Variants in SGMS1 observed in about 807,000 individuals in gnomAD.
SGMS1 encodes the protein phosphatidylcholine:ceramide cholinephosphotransferase 1.
SGMS1 carries 13 observed loss-of-function variants against 46.2 expected under a neutral mutation model. The observed-to-expected ratio is 0.28, with a 90% CI of 0.18 to 0.45. The LOEUF is 0.45. Ranked by LOEUF, SGMS1 falls within the 20% of genes least tolerant of loss-of-function variation. The pLI, the probability that SGMS1 is intolerant of heterozygous loss-of-function variation, is 1.00. For synonymous variants in SGMS1, 203 were observed against 187.8 expected (o/e 1.08, Z -0.66); for missense variants, 324 against 519.9 (o/e 0.62, Z 3.66).
At chr10:50,587,127 T>A (rs1009160605) in intron 2 of SGMS1, among the ~76,000 whole-genome samples, 5 of 151,970 alleles carry the variant, frequency 3.3e-5, no homozygotes, top group Non-Finnish European at 5.9e-5. Flanking sequence ...GTCAAGAGAG[T>A]AGTCATCCAT....
intron 6 of SGMS1, among the ~76,000 whole-genome samples, chr10:50,407,883 A>T (rs1564904734): frequency 6.6e-6 from 1 of 151,884 alleles, no homozygotes; most frequent in African/African-American, 2.4e-5. Context: ...CTTAATATCT[A>T]TTTTTTTTAA....
intron 5 of SGMS1, among the ~76,000 whole-genome samples, chr10:50,434,010 T>C (rs1050551408): frequency 2.0e-5 from 3 of 152,182 alleles, no homozygotes; most frequent in Non-Finnish European, 4.4e-5. Flanking sequence ...CTCCCTCCAG[T>C]CACACACGCT....
chr10:50,436,589 C>A (rs933316659), intron 5 of SGMS1, among the ~76,000 whole-genome samples: 3 of 152,188 alleles, frequency 2.0e-5, no homozygotes, highest in Non-Finnish European at 4.4e-5. Flanking sequence ...ACAAGCCCAG[C>A]ACTTCCTAAT....
At chr10:50,330,524 T>C (rs767920854) in intron 7 of SGMS1, among the ~76,000 whole-genome samples, 2 of 152,106 alleles carry the variant, frequency 1.3e-5, no homozygotes, top group Non-Finnish European at 2.9e-5. Context: ...AAAAAATTAC[T>C]ATAGTGGAAA....
intron 2 of SGMS1, among the ~76,000 whole-genome samples, chr10:50,582,502 G>C (rs749747116): frequency 6.6e-6 from 1 of 152,146 alleles, no homozygotes; most frequent in African/African-American, 2.4e-5. Context: ...CCACACTGAA[G>C]GGTTCAAGTC....
At chr10:50,553,249 C>T (rs957484308) in intron 2 of SGMS1, among the ~76,000 whole-genome samples, 12 of 152,134 alleles carry the variant, frequency 7.9e-5, no homozygotes, top group Non-Finnish European at 1.3e-4. Flanking sequence ...CACTCTGGAC[C>T]TGGATTTAAC....
At chr10:50,528,710 G>A (rs1184172382) in intron 2 of SGMS1, among the ~76,000 whole-genome samples, 1 of 152,152 alleles carries the variant, frequency 6.6e-6, no homozygotes, top group Non-Finnish European at 1.5e-5. Context: ...AACAGCCTGG[G>A]CAAAATAGGG....
rs567043341 is a variant in SGMS1 at position 50,379,464 on chromosome 10, G to A, written c.-231-35119C>T. Among the ~76,000 whole-genome samples the A allele has an allele frequency of 1.1e-4, 16 of 151,924 alleles. No homozygotes were observed. The South Asian group carries it at 1.2e-3, about 12-fold the overall frequency. On this transcript the variant is annotated intron_variant, in intron 6 of 10. Coordinates refer to ENST00000361781, the MANE Select transcript of SGMS1 (RefSeq NM_147156.4). The stretch of plus-strand genomic sequence containing the variant: ...TATATATATATATATATATGTGCAC[G>A]TGTATGTAAGCATAAAACATCTAGA...
intron 2 of SGMS1, among the ~76,000 whole-genome samples, chr10:50,579,586 C>A (rs1357356141): frequency 6.6e-6 from 1 of 152,152 alleles, no homozygotes; most frequent in African/African-American, 2.4e-5. Flanking sequence ...AGATAATGAG[C>A]AATGCCTTCA....
At chr10:50,515,947 T>C (rs1837802189) in intron 3 of SGMS1, among the ~76,000 whole-genome samples, 1 of 152,226 alleles carries the variant, frequency 6.6e-6, no homozygotes, top group Admixed American at 6.5e-5. Flanking sequence ...CGGCATTTCC[T>C]AGAAATGTTT....
rs183057119 is a variant in SGMS1, at chr10:50,392,850, T to C, written c.-232+40626A>G. ...AAAGTTGATTGTTAATGCTGGGAGA[T>C]ACGGATATGGAGTTCATTCTACTAT... On this transcript the variant is annotated intron_variant, in intron 6 of 10. Transcript: ENST00000361781. Among the ~76,000 whole-genome samples the C allele has an allele frequency of 1.2e-3, 180 of 152,298 alleles. 2 individuals carry two copies. The Middle Eastern group carries it at 0.017, about 14-fold the overall frequency.
chr10:50,373,584 T>C (rs1390663522), intron 6 of SGMS1, among the ~76,000 whole-genome samples: 1 of 152,206 alleles, frequency 6.6e-6, no homozygotes, highest in Non-Finnish European at 1.5e-5. Flanking sequence ...CTTTCAAATG[T>C]CACAGGTTAC....
At chr10:50,316,596 A>G (rs375529373) in intron 8 of SGMS1, among the ~76,000 whole-genome samples, 38 of 152,312 alleles carry the variant, frequency 2.5e-4, no homozygotes, top group African/African-American at 8.9e-4. Context: ...GAACAGCCAG[A>G]CATTTTCTCA....
intron 2 of SGMS1, among the ~76,000 whole-genome samples, chr10:50,571,779 A>ATG (rs201540141): frequency 0.033 from 5,093 of 152,316 alleles, 122 homozygotes; most frequent in Non-Finnish European, 0.05. Flanking sequence ...ACATAAGTAT[A>ATG]TGCACACATA....
At chr10:50,573,134 C>A (rs1460296814) in intron 2 of SGMS1, among the ~76,000 whole-genome samples, 1 of 152,150 alleles carries the variant, frequency 6.6e-6, no homozygotes, top group Non-Finnish European at 1.5e-5. Context: ...ACATCATACT[C>A]AATGGAGAAA....
At chr10:50,371,320 A>G (rs959075867) in intron 6 of SGMS1, among the ~76,000 whole-genome samples, 1 of 152,192 alleles carries the variant, frequency 6.6e-6, no homozygotes, top group Non-Finnish European at 1.5e-5. Context: ...GTGGCATTAC[A>G]TTTCATCAGA....
intron 3 of SGMS1, among the ~76,000 whole-genome samples, chr10:50,507,846 C>A (rs1837720778): frequency 6.6e-6 from 1 of 152,176 alleles, no homozygotes; most frequent in South Asian, 2.1e-4. Context: ...GGGCCTCAGG[C>A]CCCAATACCC....
At chr10:50,407,942 C>A (rs999199486) in intron 6 of SGMS1, among the ~76,000 whole-genome samples, 64 of 151,826 alleles carry the variant, frequency 4.2e-4, no homozygotes, top group Admixed American at 4.1e-3. Context: ...ATCTAAATAT[C>A]AAAAAATTCA....
intron 6 of SGMS1, among the ~76,000 whole-genome samples, chr10:50,366,469 A>G (rs1305291627): frequency 6.6e-6 from 1 of 152,252 alleles, no homozygotes; most frequent in Non-Finnish European, 1.5e-5. Context: ...CCAAAGGATT[A>G]TAAATCATTC....
Sources: allele counts gnomAD v4.1 joint callset (sites outside exome capture counted in the v4.1 genomes callset), GRCh38; gene constraint gnomAD v4.1.1; transcripts MANE v1.5; gene names NCBI Gene and HGNC (gene_info 2026-07-23, HGNC 2026-07-21).